The following LRCH1 variants were observed in gnomAD, a reference collection of about 807,000 sequenced individuals.
LRCH1 encodes the protein leucine-rich repeat and calponin homology domain-containing protein 1.
A neutral mutation model predicts 94.9 loss-of-function variants in LRCH1; 23 were observed. That is an observed-to-expected ratio of 0.24 (90% CI 0.17 to 0.34). The LOEUF (loss-of-function observed/expected upper bound fraction) is 0.34. Ranked by LOEUF, LRCH1 falls within the 10% of genes least tolerant of loss-of-function variation. LRCH1 has a pLI of 1.00. For missense variants in LRCH1, 790 were observed against 945.9 expected (o/e 0.84, Z 2.16); for synonymous variants, 364 against 354.9 (o/e 1.03, Z -0.29).
Position 46,715,598 on chromosome 13 carries a change from CTT to C in LRCH1, c.1694_1695del (p.Leu565HisfsTer10). On this transcript the variant is annotated frameshift_variant, in exon 16 of 20. Transcript: ENST00000389797. LOFTEE classifies it high-confidence loss of function. ...TCTTCCTCCTATCTCCTTCAACACA[CTT>C]ACACAGGCACAGACATGGGACAGCT... is the stretch of plus-strand genomic sequence containing the variant. ...LILPPISFNT[L>X]TQAQTWDSSS... 1 of 1,537,288 alleles carries C rather than the reference CTT, an allele frequency of 6.5e-7. No homozygotes were observed. Among genetic ancestry groups the C allele is most frequent in the Non-Finnish European group, 8.7e-7 (1 of 1,146,840 alleles).
At chr13:46,731,838 A>G (rs973745721) in intron 18 of LRCH1, among the ~76,000 whole-genome samples, 2 of 152,144 alleles carry the variant, frequency 1.3e-5, no homozygotes, top group African/African-American at 4.8e-5. Flanking sequence ...TTGGTTCTTC[A>G]GCGTCACTAG....
Position 46,625,631 on chromosome 13 carries a change from G to GTTT in LRCH1, c.308-24570_308-24569insTTT, listed in dbSNP as rs149512536. Among the ~76,000 whole-genome samples, 37 of 126,284 alleles carry GTTT rather than the reference G, an allele frequency of 2.9e-4. 3 individuals carry two copies. Among genetic ancestry groups the GTTT allele is most frequent in the East Asian group, 9.0e-4 (4 of 4,456 alleles). 82.8% of individuals were successfully genotyped at this position (126,284 alleles called of 152,430 possible). A position where few individuals can be genotyped will look rare whatever the true frequency, so the allele number is the denominator to read the frequency against. ...AGAACTATGAGAAATAAATGTGTGG[G>GTTT]GTTTTTTTTTTTTTTTTTTTTTGGT... On this transcript the variant is annotated intron_variant, in intron 1 of 19. Coordinates refer to ENST00000389797, the MANE Select transcript of LRCH1 (RefSeq NM_001164211.2).
chr13:46,681,521 A>T (rs190658527), intron 3 of LRCH1, among the ~76,000 whole-genome samples: 1 of 152,180 alleles, frequency 6.6e-6, no homozygotes, highest in Non-Finnish European at 1.5e-5. Context: ...GAATGCTACT[A>T]ATGTCCACCC....
chr13:46,723,329 A>C lies in LRCH1; in HGVS notation c.1868A>C (p.Glu623Ala). ...EEKELVEQLR[E>A]SIEMRLKVSL... ...AAAGAGCTGGTGGAACAACTTCGTG[A>C]GGTACCCAAGAAATATTATGTAACT... The change falls in exon 17 of 20, where the codon GAG becomes GCG. Residue 623 changes from glutamate to alanine, a missense_variant and splice_region_variant. By Grantham distance (107) the Glu-to-Ala change is moderately radical (BLOSUM62 -1). This residue lies in a region of LRCH1 where 460 missense variants were observed against 508.9 expected (regional missense o/e 0.90). Coordinates refer to ENST00000389797, the MANE Select transcript of LRCH1 (RefSeq NM_001164211.2). 1 of 1,581,314 alleles carries C rather than the reference A, an allele frequency of 6.3e-7. No individual in the cohort carries two copies. The highest frequency in any genetic ancestry group is 8.7e-7 in the Non-Finnish European group (1 of 1,151,888).
In LRCH1 at chr13:46,741,768, C is replaced by CTATA. The variant is rs1000499874; in HGVS notation, c.2213_2214insATAT (p.Ile739TyrfsTer74). ...AACTTCTGCCCTCCGCTCCAGGGAC[C>CTATA]TTATAGGCTTCTGTCTTGTCCATAT... On this transcript the variant is annotated frameshift_variant, in exon 20 of 20. Transcript: ENST00000389797. LOFTEE classifies it high-confidence loss of function. 1.2e-5 allele frequency: 20 copies of CTATA among 1,614,058 alleles called. No individual in the cohort carries two copies. The highest frequency in any genetic ancestry group is 1.4e-5 in the Non-Finnish European group (17 of 1,180,042).
Position 46,744,739 on chromosome 13 carries a change from A to G in LRCH1, c.*2891A>G. 3 of 985,354 alleles carry G rather than the reference A, an allele frequency of 3.0e-6. No individual in the cohort carries two copies. The highest frequency in any genetic ancestry group is 3.6e-6 in the Non-Finnish European group (3 of 829,864). The allele number at this position is 985,354 out of a possible 1,614,324, so 61.0% of individuals were successfully genotyped here. On this transcript the variant is annotated 3_prime_UTR_variant, in exon 20 of 20. Coordinates refer to ENST00000389797, the MANE Select transcript of LRCH1 (RefSeq NM_001164211.2). ...GGGTGTTTTGCCTTTGCCTGTGGGG[A>G]AAAAGTAGGGATGATATTTTAAAAT...
At chr13:46,719,685 C>G (rs1872509793) in intron 16 of LRCH1, among the ~76,000 whole-genome samples, 1 of 152,188 alleles carries the variant, frequency 6.6e-6, no homozygotes, top group African/African-American at 2.4e-5. Flanking sequence ...CGTATATGTG[C>G]AAATCTTTTT....
In LRCH1 at chr13:46,641,541, G is replaced by A. The variant is rs767039883; in HGVS notation, c.308-8660G>A. 9.3e-4 allele frequency among the ~76,000 whole-genome samples: 142 copies of A among 152,152 alleles called. 2 individuals are homozygous for A. The highest frequency in any genetic ancestry group is 1.2e-3 in the Admixed American group (19 of 15,280). ...ATTTCCACGATAACATGTTTATGAT[G>A]TCATTTGGTCTTCCTCTGTGGAACT... On this transcript the variant is annotated intron_variant, in intron 1 of 19. Transcript: ENST00000389797.
chr13:46,609,794 G>T (rs956078366), intron 1 of LRCH1, among the ~76,000 whole-genome samples: 1 of 152,142 alleles, frequency 6.6e-6, no homozygotes, highest in African/African-American at 2.4e-5. Context: ...ACTATGGCAC[G>T]TCCATGAAAG....
intron 16 of LRCH1, among the ~76,000 whole-genome samples, chr13:46,721,781 C>T (rs2236592): frequency 0.56 from 84,963 of 152,050 alleles, 24,087 homozygotes; most frequent in African/African-American, 0.66. Context: ...ACAGGCCTTG[C>T]GTACCTTAAA....
chr13:46,735,365 C>T (rs756467091), intron 19 of LRCH1, among the ~76,000 whole-genome samples: 1 of 152,182 alleles, frequency 6.6e-6, no homozygotes. Flanking sequence ...TCATGGCAAG[C>T]TTCAGATGAT....
chr13:46,732,231 A>T (rs1331214339), intron 18 of LRCH1, among the ~76,000 whole-genome samples: 2 of 152,210 alleles, frequency 1.3e-5, no homozygotes, highest in African/African-American at 4.8e-5. Flanking sequence ...TGCCAAACTG[A>T]GGGAATATAG....
At chr13:46,686,952 A>ATTTTTTTTTT (rs71077916) in intron 5 of LRCH1, among the ~76,000 whole-genome samples, 23 of 85,438 alleles carry the variant, frequency 2.7e-4, no homozygotes, top group African/African-American at 4.7e-4. Context: ...GAGTATATTG[A>ATTTTTTTTTT]TTTTTTTTTT....
intron 16 of LRCH1, among the ~76,000 whole-genome samples, chr13:46,716,707 G>A (rs1367972711): frequency 6.6e-6 from 1 of 152,152 alleles, no homozygotes; most frequent in Non-Finnish European, 1.5e-5. Flanking sequence ...GAAAGACAAT[G>A]TATACTTTGG....
At chr13:46,696,614 G>A (rs1387592629) in intron 9 of LRCH1, among the ~76,000 whole-genome samples, 2 of 152,180 alleles carry the variant, frequency 1.3e-5, no homozygotes, top group Admixed American at 6.5e-5. Flanking sequence ...GCAGATAGGC[G>A]TGTGGAAGTC....
chr13:46,566,640 TGAA>T, intron 1 of LRCH1, among the ~76,000 whole-genome samples: 1 of 152,244 alleles, frequency 6.6e-6, no homozygotes, highest in Non-Finnish European at 1.5e-5. Flanking sequence ...AAACAGTTGT[TGAA>T]GAAGTGCAGG....
intron 2 of LRCH1, among the ~76,000 whole-genome samples, chr13:46,663,250 G>T (rs900551557): frequency 1.3e-5 from 2 of 152,160 alleles, no homozygotes; most frequent in Non-Finnish European, 2.9e-5. Context: ...TTACATAAGT[G>T]TAAAGATAGT....
In LRCH1 at chr13:46,553,247, T is replaced by C. The variant is rs2050018873; in HGVS notation, c.-150T>C. 8 of 353,138 alleles carry C rather than the reference T, an allele frequency of 2.3e-5. No individual in the cohort carries two copies. The highest frequency in any genetic ancestry group is 5.3e-6 in the Non-Finnish European group (1 of 187,842). 21.9% of individuals were successfully genotyped at this position (353,138 alleles called of 1,614,324 possible). A position where few individuals can be genotyped will look rare whatever the true frequency, so the allele number is the denominator to read the frequency against. On this transcript the variant is annotated 5_prime_UTR_variant, in exon 1 of 20. Transcript: ENST00000389797. ...CCGCCTCCCCGCCCGCCCCCCATTC[T>C]ACGCGCCTGCCCACACCCTCCTCCC...
intron 1 of LRCH1, among the ~76,000 whole-genome samples, chr13:46,597,076 T>C (rs2050572197): frequency 6.6e-6 from 1 of 152,236 alleles, no homozygotes; most frequent in Non-Finnish European, 1.5e-5. Context: ...GCCTACTTGC[T>C]AAAATGTATT....
Sources: gnomAD v4.1 joint callset for allele counts (sites outside exome capture counted in the v4.1 genomes callset) on GRCh38, gnomAD v4.1.1 for gene constraint, gnomAD v4.1.1 regional missense constraint, MANE v1.5 for transcripts, NCBI Gene and HGNC (gene_info 2026-07-23, HGNC 2026-07-21) for gene names.